The following MEAF6 variants were observed in gnomAD, a reference collection of about 807,000 sequenced individuals.
MEAF6 encodes chromatin modification-related protein MEAF6.
In MEAF6, 15 loss-of-function variants were observed where a neutral mutation model predicts 28.9. The ratio of observed to expected loss-of-function variants is 0.52; its 90% CI spans 0.35 to 0.80. The LOEUF is 0.80. Ranked by LOEUF, MEAF6 falls within the 30% of genes least tolerant of loss-of-function variation. The pLI is 0.01. For missense variants in MEAF6, 178 were observed against 237.5 expected, an observed-to-expected ratio of 0.75 and a Z score of 1.65; for synonymous variants, 97 against 88.7, an observed-to-expected ratio of 1.09 and a Z score of -0.53.
rs1397114849 is a variant in MEAF6 at position 37,490,102 on chromosome 1, A to G, written c.*3997T>C. Among the ~76,000 whole-genome samples, 2 of 152,156 alleles carry G rather than the reference A, an allele frequency of 1.3e-5. No homozygotes were observed. The highest frequency in any genetic ancestry group is 2.9e-5 in the Non-Finnish European group (2 of 68,036). ...AAATACATCCAAAGTGAGAAACTAA[A>G]TAAGGCTGAGCCTCAAAATGAATAT... On this transcript the variant is annotated 3_prime_UTR_variant, in exon 7 of 7. Transcript: ENST00000296214.
At chr1:37,496,418 C>T (rs1041255006) in intron 5 of MEAF6, 2 of 390,090 alleles carry the variant, frequency 5.1e-6, no homozygotes, top group African/African-American at 2.1e-5. Flanking sequence ...TATTATTCTC[C>T]TTATGAAGCA....
chr1:37,493,591 G>A lies in MEAF6; in HGVS notation c.*508C>T. On this transcript the variant is annotated 3_prime_UTR_variant, in exon 7 of 7. Transcript: ENST00000296214. ...CAGATATGTCAGCAGGAAAGTATGA[G>A]CTGTACAAAGGCATTACAAAAAAAC... is the stretch of plus-strand genomic sequence containing the variant. 1.6e-6 allele frequency: 1 copy of A among 623,374 alleles called. No homozygotes were observed. The highest frequency in any genetic ancestry group is 2.1e-5 in the South Asian group (1 of 48,706). The allele number at this position is 623,374 out of a possible 1,614,324, so 38.6% of individuals were successfully genotyped here.
chr1:37,494,515 CAA>C (rs35851858), intron 6 of MEAF6, among the ~76,000 whole-genome samples: 30 of 82,238 alleles, frequency 3.6e-4, no homozygotes, highest in Admixed American at 6.1e-4. Flanking sequence ...AACTCTGTTT[CAA>C]AAAAAAAAAA....
intron 5 of MEAF6, chr1:37,496,640 T>C: frequency 6.5e-7 from 1 of 1,547,414 alleles, no homozygotes; most frequent in South Asian, 1.2e-5. Context: ...GTTAGAAAGG[T>C]CTCAAAAAGG....
In MEAF6 at chr1:37,493,144, T is replaced by G. The variant is rs1289141146; in HGVS notation, c.*955A>C. Reference sequence around the variant, plus strand: ...TTAAGAACGACATAAGTTATCACTTTTGGTATAATTTTGAGACTTTCCATA... The same window carrying G: ...TTAAGAACGACATAAGTTATCACTTGTGGTATAATTTTGAGACTTTCCATA... On this transcript the variant is annotated 3_prime_UTR_variant, in exon 7 of 7. Coordinates refer to ENST00000296214, the MANE Select transcript of MEAF6 (RefSeq NM_001270875.3). The G allele has an allele frequency of 6.6e-6, 1 of 152,258 alleles. No individual in the cohort carries two copies. The highest frequency in any genetic ancestry group is 1.5e-5 in the Non-Finnish European group (1 of 68,072). The allele number at this position is 152,258 out of a possible 1,614,324, so 9.4% of individuals were successfully genotyped here.
chr1:37,509,446 A>C lies in MEAF6; in HGVS notation c.294+9T>G. ...GCCAAAGAAAGATTCCCCCACCACC[A>C]CTACTTACAGCTGCTGAGGTAACCG... On this transcript the variant is annotated intron_variant, in intron 3 of 6. Transcript: ENST00000296214. 6.2e-7 allele frequency: 1 copy of C among 1,613,200 alleles called. No individual in the cohort carries two copies. Among genetic ancestry groups the C allele is most frequent in the Non-Finnish European group, 8.5e-7 (1 of 1,179,572 alleles).
intron 4 of MEAF6, among the ~76,000 whole-genome samples, chr1:37,506,222 G>A (rs1260500536): frequency 6.6e-6 from 1 of 151,268 alleles, no homozygotes; most frequent in Non-Finnish European, 1.5e-5. Flanking sequence ...GGTGAGCCAA[G>A]ATAGTGCCAC....
At chr1:37,505,645 C>T (rs1159437711) in intron 4 of MEAF6, among the ~76,000 whole-genome samples, 1 of 152,108 alleles carries the variant, frequency 6.6e-6, no homozygotes, top group Non-Finnish European at 1.5e-5. Context: ...GCCAATACTG[C>T]CCTTCTGATG....
chr1:37,503,274 C>T (rs951136739), intron 4 of MEAF6, among the ~76,000 whole-genome samples: 5 of 152,178 alleles, frequency 3.3e-5, no homozygotes, highest in Non-Finnish European at 5.9e-5. Context: ...CTTCAGCTGA[C>T]ACATATTCTC....
chr1:37,506,140 G>A (rs968625054), intron 4 of MEAF6, among the ~76,000 whole-genome samples: 3 of 152,026 alleles, frequency 2.0e-5, no homozygotes, highest in African/African-American at 4.8e-5. Context: ...GCATGGTGGC[G>A]CGTGCCTGTC....
intron 4 of MEAF6, among the ~76,000 whole-genome samples, chr1:37,503,477 C>T (rs574788688): frequency 8.0e-5 from 12 of 150,922 alleles, no homozygotes; most frequent in South Asian, 2.1e-4. Context: ...ACAGCCAGAC[C>T]CTCATCTCTA....
chr1:37,511,224 A>T (rs376634331), intron 2 of MEAF6, among the ~76,000 whole-genome samples: 6 of 152,232 alleles, frequency 3.9e-5, no homozygotes, highest in African/African-American at 1.4e-4. Flanking sequence ...AGTACTCCAA[A>T]AGTAATAGGG....
chr1:37,490,203 C>CCT lies in MEAF6; in HGVS notation c.*3895_*3896insAG, dbSNP rs1251308633. On this transcript the variant is annotated 3_prime_UTR_variant, in exon 7 of 7. Transcript: ENST00000296214. ...GCCCTCTTCCCCTTGGAGGCCACTGCCCTAAGTGAGGATCAGCATCGACTC... is the reference window on the plus strand; with the variant it reads ...GCCCTCTTCCCCTTGGAGGCCACTGCCTCCTAAGTGAGGATCAGCATCGACTC... 1.1e-3 allele frequency among the ~76,000 whole-genome samples: 163 copies of CCT among 151,890 alleles called. 1 individual carries two copies. Among genetic ancestry groups the CCT allele is most frequent in the African/African-American group, 3.5e-3 (143 of 41,392 alleles).
chr1:37,514,754 T>A lies in MEAF6; in HGVS notation c.-8A>T. ...CTTGTTGTGCATCGCCATGTTGGGC[T>A]GAGGCGGGCGGCGGCGGCGCGAGGT... On this transcript the variant is annotated 5_prime_UTR_variant, in exon 1 of 7. Coordinates refer to ENST00000296214, the MANE Select transcript of MEAF6 (RefSeq NM_001270875.3). The A allele has an allele frequency of 6.9e-7, 1 of 1,446,300 alleles. No individual in the cohort carries two copies. The highest frequency in any genetic ancestry group is 9.1e-7 in the Non-Finnish European group (1 of 1,098,300). 89.6% of individuals were successfully genotyped at this position (1,446,300 alleles called of 1,614,324 possible). A position where few individuals can be genotyped will look rare whatever the true frequency, so the allele number is the denominator to read the frequency against.
At chr1:37,506,768 T>C (rs1010223399) in intron 4 of MEAF6, among the ~76,000 whole-genome samples, 1 of 152,194 alleles carries the variant, frequency 6.6e-6, no homozygotes, top group African/African-American at 2.4e-5. Context: ...AGCCTTGAAC[T>C]CCTGGGCTCA....
intron 4 of MEAF6, among the ~76,000 whole-genome samples, chr1:37,508,641 A>T (rs1379320762): frequency 6.6e-6 from 1 of 152,126 alleles, no homozygotes; most frequent in Non-Finnish European, 1.5e-5. Context: ...TATAAGATAT[A>T]TTTGAAATTT....
rs1234144174 is a variant in MEAF6 at position 37,494,071 on chromosome 1, C to A, written c.*28G>T. ...AGAGAAGGGAAGCAGGGCTCTACAG[C>A]CTGGAAGCTTCTGCACTAATGTGTC... On this transcript the variant is annotated 3_prime_UTR_variant, in exon 7 of 7. Coordinates refer to ENST00000296214, the MANE Select transcript of MEAF6 (RefSeq NM_001270875.3). 6.2e-7 allele frequency: 1 copy of A among 1,609,634 alleles called. No homozygotes were observed.
rs910657986 is a variant in MEAF6 at position 37,490,009 on chromosome 1, T to C, written c.*4090A>G. On this transcript the variant is annotated 3_prime_UTR_variant, in exon 7 of 7. Coordinates refer to ENST00000296214, the MANE Select transcript of MEAF6 (RefSeq NM_001270875.3). ...AGCAGTTTATTGTGGTTCAACCTTT[T>C]ATTTATAAATTAATGACCTACATGT... 2.0e-5 allele frequency among the ~76,000 whole-genome samples: 3 copies of C among 152,366 alleles called. No homozygotes were observed. The highest frequency in any genetic ancestry group is 4.8e-5 in the African/African-American group (2 of 41,584).
intron 5 of MEAF6, among the ~76,000 whole-genome samples, chr1:37,498,207 T>C (rs1642181866): frequency 6.6e-6 from 1 of 152,166 alleles, no homozygotes; most frequent in African/African-American, 2.4e-5. Flanking sequence ...TCAATATCTC[T>C]CACAAAATAG....
Sources: gnomAD v4.1 joint callset for allele counts (sites outside exome capture counted in the v4.1 genomes callset) on GRCh38, gnomAD v4.1.1 for gene constraint, MANE v1.5 for transcripts, NCBI Gene and HGNC (gene_info 2026-07-23, HGNC 2026-07-21) for gene names.